PLPPR1: variants seen among roughly 807,000 people sequenced by gnomAD.
The protein encoded by PLPPR1 is phospholipid phosphatase related 1, also known as phospholipid phosphatase-related protein type 1.
PLPPR1 carries 10 observed loss-of-function variants against 33.1 expected under a neutral mutation model. That is an observed-to-expected ratio of 0.30 (90% CI 0.19 to 0.51). The LOEUF is 0.51. PLPPR1 is among the 20% of genes least tolerant of loss of function. The pLI, the probability that PLPPR1 is intolerant of heterozygous loss-of-function variation, is 0.97. For synonymous variants in PLPPR1, 151 were observed against 151.0 expected (o/e 1.00, Z 0.00); for missense variants, 304 against 408.1 (o/e 0.74, Z 2.20).
intron 1 of PLPPR1, among the ~76,000 whole-genome samples, chr9:101,039,965 A>G (rs1240948528): frequency 2.0e-5 from 3 of 152,162 alleles, no homozygotes; most frequent in Non-Finnish European, 2.9e-5. Context: ...AGAAGTTGAA[A>G]ATATGACTCA....
chr9:101,117,167 G>T (rs1359550889), intron 1 of PLPPR1, among the ~76,000 whole-genome samples: 1 of 152,128 alleles, frequency 6.6e-6, no homozygotes, highest in Non-Finnish European at 1.5e-5. Flanking sequence ...TGGGTAAAAT[G>T]AGGCTGAGAC....
intron 1 of PLPPR1, among the ~76,000 whole-genome samples, chr9:101,138,914 A>G (rs570648576): frequency 5.6e-4 from 86 of 152,282 alleles, no homozygotes; most frequent in Non-Finnish European, 7.9e-4. Flanking sequence ...TCTTCATGAA[A>G]TGTGACCACT....
In PLPPR1 at chr9:101,205,998, G is replaced by T. The variant is rs146864191; in HGVS notation, c.63+20441G>T. On this transcript the variant is annotated intron_variant, in intron 2 of 7. Coordinates refer to ENST00000374874, the MANE Select transcript of PLPPR1 (RefSeq NM_207299.2). The stretch of plus-strand genomic sequence containing the variant: ...ACTGTCAACTGATGGTGGGAAGAGG[G>T]TAAGACAGTCATGAGGGTGGGGAGA... Among the ~76,000 whole-genome samples, 610 of 152,266 alleles carry T rather than the reference G, an allele frequency of 4.0e-3. 5 individuals carry two copies. The highest frequency in any genetic ancestry group is 0.014 in the African/African-American group (587 of 41,548).
chr9:101,184,661 C>T (rs1826173918), intron 1 of PLPPR1, among the ~76,000 whole-genome samples: 2 of 151,946 alleles, frequency 1.3e-5, no homozygotes, highest in South Asian at 4.1e-4. Flanking sequence ...AAAATCTTTA[C>T]TTCATTGTAT....
chr9:101,130,456 G>A (rs1396190499), intron 1 of PLPPR1, among the ~76,000 whole-genome samples: 1 of 152,146 alleles, frequency 6.6e-6, no homozygotes, highest in Non-Finnish European at 1.5e-5. Context: ...CAACCTCAGA[G>A]GGATGCTTTA....
chr9:101,196,668 T>C (rs1257953983), intron 2 of PLPPR1, among the ~76,000 whole-genome samples: 1 of 152,116 alleles, frequency 6.6e-6, no homozygotes. Flanking sequence ...GAGACCATCC[T>C]GGCTAACACG....
In PLPPR1 at chr9:101,281,456, T is replaced by C. The variant is rs1828302737; in HGVS notation, c.253-4648T>C. ...ACAAAAGACCCAGAATAGCCAAAGC[T>C]ATCTTGAGCAAAAAACAAAACTGGA... On this transcript the variant is annotated intron_variant, in intron 3 of 7. Coordinates refer to ENST00000374874, the MANE Select transcript of PLPPR1 (RefSeq NM_207299.2). 2.6e-5 allele frequency among the ~76,000 whole-genome samples: 4 copies of C among 152,158 alleles called. No individual in the cohort carries two copies. The South Asian group carries it at 8.3e-4, about 32-fold the overall frequency.
At chr9:101,199,756 T>G (rs1826461096) in intron 2 of PLPPR1, among the ~76,000 whole-genome samples, 1 of 152,188 alleles carries the variant, frequency 6.6e-6, no homozygotes, top group African/African-American at 2.4e-5. Context: ...GTATGGAGAT[T>G]CATTAATAGC....
intron 2 of PLPPR1, among the ~76,000 whole-genome samples, chr9:101,224,145 T>C (rs943873855): frequency 3.3e-5 from 5 of 152,168 alleles, no homozygotes; most frequent in Non-Finnish European, 7.3e-5. Context: ...TGCCATAGTC[T>C]CTGGCAATTG....
Position 101,309,424 on chromosome 9 carries a change from A to G in PLPPR1, c.599A>G (p.His200Arg). ...GCTCGGAGATCCTTTCCCTCCAAAC[A>G]CGCTGCTCTGAGCATTTACTCCGCC... is the stretch of plus-strand genomic sequence containing the variant. ...EKARRSFPSK[H>R]AALSIYSALY... Residue 200 changes from histidine to arginine, a missense_variant, in exon 5 of 8, where the codon CAC becomes CGC. Coordinates refer to ENST00000374874, the MANE Select transcript of PLPPR1 (RefSeq NM_207299.2). The G allele has an allele frequency of 1.9e-6, 3 of 1,613,980 alleles. No individual in the cohort carries two copies. Among genetic ancestry groups the G allele is most frequent in the Non-Finnish European group, 2.5e-6 (3 of 1,180,000 alleles).
chr9:101,158,813 C>G (rs1831734152), intron 1 of PLPPR1, among the ~76,000 whole-genome samples: 1 of 151,936 alleles, frequency 6.6e-6, no homozygotes, highest in South Asian at 2.1e-4. Context: ...ATAGAAGTTG[C>G]AGATACTGCA....
At chr9:101,211,978 G>T (rs10989431) in intron 2 of PLPPR1, among the ~76,000 whole-genome samples, 5,489 of 152,192 alleles carry the variant, frequency 0.036, 301 homozygotes, top group African/African-American at 0.12. Context: ...TAATGGTAAA[G>T]TTAGGGCTCA....
At chr9:101,201,702 GA>G (rs1418986165) in intron 2 of PLPPR1, among the ~76,000 whole-genome samples, 1 of 152,130 alleles carries the variant, frequency 6.6e-6, no homozygotes, top group Admixed American at 6.6e-5. Flanking sequence ...GAGCAAATAT[GA>G]AAAAGCTAGC....
In PLPPR1 at chr9:101,231,280, A is replaced by G. The variant is rs371157462; in HGVS notation, c.64-38600A>G. On this transcript the variant is annotated intron_variant, in intron 2 of 7. Coordinates refer to ENST00000374874, the MANE Select transcript of PLPPR1 (RefSeq NM_207299.2). ...AGAAACAGAAAATGGTGCCCCAATT[A>G]AAAAAAAAACAAAAAAACTTGTAAG... Among the ~76,000 whole-genome samples, 23 of 38,074 alleles carry G rather than the reference A, an allele frequency of 6.0e-4. No individual in the cohort carries two copies. In the East Asian group the frequency reaches 0.01, roughly 17 times the overall value. 25.0% of individuals were successfully genotyped at this position (38,074 alleles called of 152,430 possible).
chr9:101,287,574 C>A (rs1346624650), intron 4 of PLPPR1, among the ~76,000 whole-genome samples: 1 of 152,224 alleles, frequency 6.6e-6, no homozygotes, highest in African/African-American at 2.4e-5. Context: ...GACCTCGGCT[C>A]ACTGCAACCT....
intron 1 of PLPPR1, among the ~76,000 whole-genome samples, chr9:101,081,998 G>C (rs955030702): frequency 1.3e-5 from 2 of 152,186 alleles, no homozygotes; most frequent in Non-Finnish European, 2.9e-5. Context: ...TGCTCTGGTT[G>C]ATGCATCTTT....
At chr9:101,109,100 A>C (rs1047694885) in intron 1 of PLPPR1, among the ~76,000 whole-genome samples, 3 of 149,136 alleles carry the variant, frequency 2.0e-5, no homozygotes, top group African/African-American at 7.4e-5. Flanking sequence ...CTGGGACTAC[A>C]GGCGCCCGCC....
intron 4 of PLPPR1, among the ~76,000 whole-genome samples, chr9:101,292,504 TTGAAA>T (rs1828530762): frequency 6.6e-6 from 1 of 151,644 alleles, no homozygotes; most frequent in Non-Finnish European, 1.5e-5. Context: ...TTCACCAAAG[TTGAAA>T]TGAAGAAAAA....
At chr9:101,129,093 G>A (rs1035883913) in intron 1 of PLPPR1, among the ~76,000 whole-genome samples, 1 of 151,998 alleles carries the variant, frequency 6.6e-6, no homozygotes, top group Non-Finnish European at 1.5e-5. Context: ...GGTAGATTTT[G>A]AACCATATAG....
Sources: gnomAD v4.1 joint callset for allele counts (sites outside exome capture counted in the v4.1 genomes callset) on GRCh38, gnomAD v4.1.1 for gene constraint, MANE v1.5 for transcripts, NCBI Gene and HGNC (gene_info 2026-07-23, HGNC 2026-07-21) for gene names.